The following SLC14A2 variants were observed in gnomAD, a reference collection of about 807,000 sequenced individuals.
SLC14A2 encodes urea transporter 2.
In SLC14A2, 91 loss-of-function variants were observed where a neutral mutation model predicts 104.6. That is an observed-to-expected ratio of 0.87 (90% confidence interval 0.73 to 1.04). The LOEUF (loss-of-function observed/expected upper bound fraction) is 1.04, where lower values mean the gene tolerates loss of function less well. Among genes scored for constraint, SLC14A2 ranks in the 50% least tolerant of loss-of-function variants. The pLI, the probability that SLC14A2 is intolerant of heterozygous loss-of-function variation, is 0.00. For missense variants in SLC14A2, 1,189 were observed against 1,156.0 expected (o/e 1.03, Z -0.41); for synonymous variants, 476 against 466.4 (o/e 1.02, Z -0.27).
intron 2 of SLC14A2, among the ~76,000 whole-genome samples, chr18:45,501,133 G>A (rs139195063): frequency 0.011 from 1,610 of 152,288 alleles, 13 homozygotes; most frequent in Middle Eastern, 0.031. Flanking sequence ...CAAAGAACCT[G>A]AGGATCAAAA....
At chr18:45,582,328 G>T (rs568065144) in intron 2 of SLC14A2, among the ~76,000 whole-genome samples, 3 of 152,266 alleles carry the variant, frequency 2.0e-5, no homozygotes, top group Admixed American at 6.5e-5. Flanking sequence ...GAGATGCTAG[G>T]AAATGTGCAA....
chr18:45,666,190 C>G lies in SLC14A2; in HGVS notation c.1528C>G (p.Arg510Gly). The stretch of plus-strand genomic sequence containing the variant: ...ACAAAACAAAGACCCATTTCCCTAT[C>G]GATACCGGAAGCCCACAGTCGAGCT... ...ERQNKDPFPY[R>G]YRKPTVELLD... The change falls in exon 12 of 20, where the codon CGA becomes GGA. Residue 510 changes from arginine (R) to glycine (G), a missense_variant. Arg to Gly is a moderately radical substitution (Grantham distance 125, BLOSUM62 -2). Transcript: ENST00000255226. The G allele has an allele frequency of 6.2e-7, 1 of 1,613,800 alleles. No homozygotes were observed. The highest frequency in any genetic ancestry group is 8.5e-7 in the Non-Finnish European group (1 of 1,179,708).
chr18:45,286,000 C>A (rs1347204913), intron 1 of SLC14A2, among the ~76,000 whole-genome samples: 1 of 152,140 alleles, frequency 6.6e-6, no homozygotes, highest in African/African-American at 2.4e-5. Context: ...TTAAAAAGCT[C>A]CCTACCACTG....
At chr18:45,533,646 C>G (rs936239280) in intron 2 of SLC14A2, among the ~76,000 whole-genome samples, 1 of 152,158 alleles carries the variant, frequency 6.6e-6, no homozygotes, top group Admixed American at 6.5e-5. Context: ...TTTCACAAAA[C>G]CAGCTCCTGG....
chr18:45,272,361 A>T (rs2084659771), intron 1 of SLC14A2, among the ~76,000 whole-genome samples: 1 of 152,148 alleles, frequency 6.6e-6, no homozygotes, highest in African/African-American at 2.4e-5. Flanking sequence ...CAACAGATGA[A>T]TGGATAAAGA....
rs969122638 is a variant in SLC14A2 at position 45,235,897 on chromosome 18, A to G, written c.-125+22706A>G. 8.4e-5 allele frequency among the ~76,000 whole-genome samples: 8 copies of G among 95,196 alleles called. 1 individual carries two copies. The highest frequency in any genetic ancestry group is 2.3e-4 in the East Asian group (1 of 4,348). The allele number at this position is 95,196 out of a possible 152,430, so 62.5% of individuals were successfully genotyped here. On this transcript the variant is annotated intron_variant, in intron 1 of 20. Coordinates refer to the SLC14A2 transcript ENST00000586448. ...TATGTATATATACATATATGTGTGT[A>G]TGTATGTATATATACATATATGTGT...
intron 1 of SLC14A2, among the ~76,000 whole-genome samples, chr18:45,450,769 A>C (rs1017413710): frequency 2.0e-5 from 3 of 152,246 alleles, no homozygotes; most frequent in Admixed American, 2.0e-4. Flanking sequence ...GAGTTACCCC[A>C]GAAGCTGACC....
chr18:45,564,536 T>A (rs564232730), intron 2 of SLC14A2, among the ~76,000 whole-genome samples: 5 of 152,302 alleles, frequency 3.3e-5, no homozygotes, highest in South Asian at 4.2e-4. Context: ...CACCTCGCAC[T>A]GAACCTAAAC....
At chr18:45,421,542 A>G (rs182709479) in intron 1 of SLC14A2, among the ~76,000 whole-genome samples, 1 of 152,320 alleles carries the variant, frequency 6.6e-6, no homozygotes, top group African/African-American at 2.4e-5. Flanking sequence ...AGCATCAGCT[A>G]TGTGGCCATG....
At chr18:45,305,880 T>G (rs2085015431) in intron 1 of SLC14A2, among the ~76,000 whole-genome samples, 1 of 152,204 alleles carries the variant, frequency 6.6e-6, no homozygotes, top group Non-Finnish European at 1.5e-5. Context: ...ACAATTTTAT[T>G]AAGTTTCTGA....
At chr18:45,402,630 T>C (rs1474689269) in intron 1 of SLC14A2, among the ~76,000 whole-genome samples, 1 of 152,214 alleles carries the variant, frequency 6.6e-6, no homozygotes, top group Non-Finnish European at 1.5e-5. Context: ...AAAATCATTG[T>C]GCCTTGGCAC....
intron 1 of SLC14A2, among the ~76,000 whole-genome samples, chr18:45,246,564 T>TTTG (rs147782673): frequency 2.8e-4 from 42 of 152,034 alleles, no homozygotes; most frequent in Admixed American, 2.0e-3. Context: ...AGAAATAACT[T>TTTG]TTGTTGTTGT....
At chr18:45,654,874 G>T (rs2045806097) in intron 10 of SLC14A2, among the ~76,000 whole-genome samples, 1 of 152,132 alleles carries the variant, frequency 6.6e-6, no homozygotes, top group African/African-American at 2.4e-5. Context: ...ATGACTCTAT[G>T]ACCCACAGCT....
In SLC14A2 at chr18:45,682,443, G is replaced by A. The variant is rs41301139; in HGVS notation, c.2687G>A (p.Arg896His). ...LSKVTYPEANRIYYLSQERNR... is the reference protein window; with the variant it reads ...LSKVTYPEANHIYYLSQERNR... The stretch of plus-strand genomic sequence containing the variant: ...AAAGTCACCTACCCAGAGGCCAACC[G>A]CATCTACTACCTGTCCCAGGAGAGA... The change falls in exon 20 of 20, where the codon CGC becomes CAC. Residue 896 changes from arginine (R) to histidine (H), a missense_variant. By Grantham distance (29) the Arg-to-His change is conservative. Transcript: ENST00000255226. 0.013 allele frequency: 20,696 copies of A among 1,614,018 alleles called. 174 individuals are homozygous for A. The highest frequency in any genetic ancestry group is 0.016 in the Non-Finnish European group (18,741 of 1,179,932).
At chr18:45,414,757 A>AAATATAT (rs1360051908) in intron 1 of SLC14A2, among the ~76,000 whole-genome samples, 2 of 76,116 alleles carry the variant, frequency 2.6e-5, no homozygotes, top group African/African-American at 1.5e-4. Context: ...AAAAAAAAAA[A>AAATATAT]ATATATATAT....
intron 1 of SLC14A2, among the ~76,000 whole-genome samples, chr18:45,266,793 G>C (rs1302078353): frequency 6.6e-6 from 1 of 152,150 alleles, no homozygotes; most frequent in African/African-American, 2.4e-5. Flanking sequence ...CTGTCTGGCC[G>C]AATGCTGAGC....
chr18:45,563,554 C>G (rs2044231157), intron 2 of SLC14A2, among the ~76,000 whole-genome samples: 1 of 152,220 alleles, frequency 6.6e-6, no homozygotes, highest in African/African-American at 2.4e-5. Flanking sequence ...TCTGACACAT[C>G]CGTAATACTT....
chr18:45,546,102 T>A (rs1490447614), intron 2 of SLC14A2, among the ~76,000 whole-genome samples: 1 of 152,204 alleles, frequency 6.6e-6, no homozygotes, highest in African/African-American at 2.4e-5. Context: ...AGCCCACATA[T>A]CCACTGTGTC....
At position 45,637,181 on chromosome 18, in the gene SLC14A2, T is replaced by C. The variant is rs202211125; in HGVS notation, c.842T>C (p.Leu281Pro). 26 of 1,613,532 alleles carry C rather than the reference T, an allele frequency of 1.6e-5. No individual in the cohort carries two copies. The highest frequency in any genetic ancestry group is 4.5e-5 in the East Asian group (2 of 44,890). ...ACCTGGACAGAGATGGAAATGCCCCTGGTAAGTTACCCAGCGGTGATGAGT... is the reference window on the plus strand; with the variant it reads ...ACCTGGACAGAGATGGAAATGCCCCCGGTAAGTTACCCAGCGGTGATGAGT... ...NITWTEMEMP[L>P]LLQAIPVGVG... The change falls in exon 6 of 20, where the codon CTG becomes CCG. Residue 281 changes from leucine (L) to proline (P), a missense_variant and splice_region_variant. Coordinates refer to ENST00000255226, the MANE Select transcript of SLC14A2 (RefSeq NM_007163.4).
Sources: gnomAD v4.1 joint callset for allele counts (sites outside exome capture counted in the v4.1 genomes callset) on GRCh38, gnomAD v4.1.1 for gene constraint, MANE v1.5 for transcripts, NCBI Gene and HGNC (gene_info 2026-07-23, HGNC 2026-07-21) for gene names.